AKAP1: variants seen among roughly 807,000 people sequenced by gnomAD.
AKAP1 encodes A-kinase anchoring protein 1, also known as A-kinase anchor protein 1, mitochondrial.
Under a neutral mutation model 79.8 loss-of-function variants are expected in AKAP1, and 32 were observed. The ratio of observed to expected loss-of-function variants is 0.40; its 90% CI spans 0.30 to 0.54. The LOEUF (loss-of-function observed/expected upper bound fraction) is 0.54. Among genes scored for constraint, AKAP1 ranks in the 20% least tolerant of loss-of-function variants. AKAP1 has a pLI of 0.47. For synonymous variants in AKAP1, 416 were observed against 466.7 expected (o/e 0.89, Z 1.40); for missense variants, 961 against 1,138.9 (o/e 0.84, Z 2.25).
intron 3 of AKAP1, among the ~76,000 whole-genome samples, chr17:57,111,110 G>T (rs1174473767): frequency 1.3e-5 from 2 of 152,202 alleles, no homozygotes; most frequent in Non-Finnish European, 2.9e-5. Flanking sequence ...TGAAGAGAAA[G>T]GCTGTGCCTG....
intron 8 of AKAP1, 71 bp from the exon 9 acceptor site, chr17:57,118,310 A>G (rs1278870146): frequency 1.4e-6 from 2 of 1,431,098 alleles, no homozygotes; most frequent in Admixed American, 3.4e-5. Context: ...TGCACCTGAA[A>G]CTTGTGTACA....
intron 9 of AKAP1, 113 bp from the exon 10 acceptor site, chr17:57,118,869 C>T (rs1915747108): frequency 5.9e-6 from 7 of 1,179,334 alleles, no homozygotes; most frequent in Non-Finnish European, 8.8e-6. Flanking sequence ...CCAATCACCT[C>T]CCACCAGGTC....
At chr17:57,102,033 T>A (rs1914548876) in intron 1 of AKAP1, among the ~76,000 whole-genome samples, 1 of 152,222 alleles carries the variant, frequency 6.6e-6, no homozygotes, top group Non-Finnish European at 1.5e-5. Flanking sequence ...TCCCCTGAAA[T>A]GTTTGTTAAT....
intron 10 of AKAP1, among the ~76,000 whole-genome samples, chr17:57,119,491 A>C (rs1307793215): frequency 1.3e-5 from 2 of 152,118 alleles, no homozygotes; most frequent in African/African-American, 2.4e-5. Flanking sequence ...AGACGGGCAG[A>C]TCACTTGAGG....
At chr17:57,112,359 T>C in intron 4 of AKAP1, 132 bp from the exon 5 acceptor site, 1 of 1,083,828 alleles carries the variant, frequency 9.2e-7, no homozygotes, top group Non-Finnish European at 1.3e-6. Flanking sequence ...CTTAAGTGTT[T>C]TGTTACCTCA....
chr17:57,116,062 G>GC, intron 6 of AKAP1, 49 bp from the exon 7 acceptor site: 2 of 1,590,996 alleles, frequency 1.3e-6, no homozygotes, highest in African/African-American at 2.7e-5. Flanking sequence ...GGCCCTTGGT[G>GC]CCCTGCCCTG....
In AKAP1 at chr17:57,105,447, T is replaced by C. The variant is rs1027450338; in HGVS notation, c.-18T>C. 1 of 1,586,790 alleles carries C rather than the reference T, an allele frequency of 6.3e-7. No individual in the cohort carries two copies. Among genetic ancestry groups the C allele is most frequent in the Non-Finnish European group, 8.6e-7 (1 of 1,167,468 alleles). On this transcript the variant is annotated 5_prime_UTR_variant, in exon 2 of 11. Transcript: ENST00000337714. ...GCTCTCCTGCTCTCCCCAGGTGTAA[T>C]TACTTCAAGCCTCCAGGATGGCAAT...
intron 7 of AKAP1, 80 bp downstream of exon 7, chr17:57,116,341 C>T: frequency 1.9e-6 from 3 of 1,569,016 alleles, no homozygotes; most frequent in Non-Finnish European, 2.6e-6. Context: ...CTCAGTTGTG[C>T]CAGGGCTTGG....
chr17:57,103,229 C>T (rs939273481), intron 1 of AKAP1, among the ~76,000 whole-genome samples: 1 of 152,252 alleles, frequency 6.6e-6, no homozygotes, highest in Admixed American at 6.5e-5. Flanking sequence ...CAAATATCAG[C>T]AAGAAAGTTT....
Position 57,121,210 on chromosome 17 carries a change from A to C in AKAP1, c.*886A>C, listed in dbSNP as rs1049159859. 1.3e-5 allele frequency: 2 copies of C among 151,746 alleles called. No individual in the cohort carries two copies. Among genetic ancestry groups the C allele is most frequent in the Middle Eastern group, 3.2e-3 (1 of 316 alleles). 9.4% of individuals were successfully genotyped at this position (151,746 alleles called of 1,614,324 possible). ...GATCTGGGAACTTTTTGCTGTACAA[A>C]TCTGTTTAAAAAAAAAAAAAAGTAA... On this transcript the variant is annotated 3_prime_UTR_variant, in exon 11 of 11. Transcript: ENST00000337714.
At chr17:57,100,046 T>G (rs559082907) in intron 1 of AKAP1, among the ~76,000 whole-genome samples, 4 of 152,182 alleles carry the variant, frequency 2.6e-5, no homozygotes, top group Non-Finnish European at 5.9e-5. Context: ...GGGGTGGGGC[T>G]TCTCCCAGCC....
Position 57,120,315 on chromosome 17 carries a change from A to C in AKAP1, c.2703A>C (p.Thr901=). The C allele has an allele frequency of 6.2e-7, 1 of 1,613,704 alleles. No homozygotes were observed. Among genetic ancestry groups the C allele is most frequent in the East Asian group, 2.2e-5 (1 of 44,862 alleles). Reference sequence around the variant, plus strand: ...CCCAGTGGGTAGACAGCTACTACACAAGCCTTTGACCCCCATGCTGCTTCC... The same window carrying C: ...CCCAGTGGGTAGACAGCTACTACACCAGCCTTTGACCCCCATGCTGCTTCC... The part of the protein sequence containing the change: ...GLAQWVDSYY[T]SL Residue 901 remains threonine, a synonymous_variant, in exon 11 of 11, where the codon ACA becomes ACC. Transcript: ENST00000337714.
chr17:57,105,329 C>T (rs1022644528), intron 1 of AKAP1, 112 bp from the exon 2 acceptor site: 35 of 1,021,660 alleles, frequency 3.4e-5, no homozygotes, highest in Admixed American at 3.1e-4. Flanking sequence ...GCAGGGAAGG[C>T]GGAGGAGATG....
chr17:57,097,197 C>T (rs3785483), intron 1 of AKAP1, among the ~76,000 whole-genome samples: 31,393 of 152,132 alleles, frequency 0.21, 3,607 homozygotes, highest in East Asian at 0.41. Flanking sequence ...TCCTGTCCCC[C>T]TCCCTACCCA....
intron 1 of AKAP1, among the ~76,000 whole-genome samples, chr17:57,100,439 A>ACACACACACACACACG (rs1914426152): frequency 6.7e-6 from 1 of 148,314 alleles, no homozygotes; most frequent in African/African-American, 2.4e-5. Context: ...ACACACACAC[A>ACACACACACACACACG]CACACACGCA....
intron 1 of AKAP1, among the ~76,000 whole-genome samples, chr17:57,090,761 C>CCAGAATTATT (rs1228691186): frequency 1.3e-5 from 2 of 152,180 alleles, no homozygotes; most frequent in Non-Finnish European, 2.9e-5. Context: ...AATTATGCAA[C>CCAGAATTATT]CATCGGGTGC....
intron 1 of AKAP1, among the ~76,000 whole-genome samples, chr17:57,087,382 C>G (rs1913526167): frequency 6.6e-6 from 1 of 152,174 alleles, no homozygotes. Context: ...TTGTAAGTGG[C>G]CTGCTCAGGT....
intron 6 of AKAP1, 124 bp downstream of exon 6, chr17:57,114,760 A>G (rs896795823): frequency 1.8e-6 from 2 of 1,126,232 alleles, no homozygotes; most frequent in African/African-American, 1.6e-5. Flanking sequence ...AATTCTTGCC[A>G]TTGTTATGGA....
Position 57,114,585 on chromosome 17 carries a change from T to A in AKAP1, c.2230T>A (p.Tyr744Asn), listed in dbSNP as rs747056610. ...GCTGCGCAGCCTCGACCAGCAGATG[T>A]ACCTCTGTTACTCTCAGCCTGGAAT... ...HALRSLDQQM[Y>N]LCYSQPGIPT... The change falls in exon 6 of 11, where the codon TAC (tyrosine) becomes AAC (asparagine). Residue 744 changes from tyrosine (Y) to asparagine (N), a missense_variant. Physicochemically the swap from Tyr to Asn is moderately radical, Grantham distance 143. Transcript: ENST00000337714. 1 of 1,614,062 alleles carries A rather than the reference T, an allele frequency of 6.2e-7. No individual in the cohort carries two copies. Among genetic ancestry groups the A allele is most frequent in the East Asian group, 2.2e-5 (1 of 44,876 alleles).
Sources: allele counts gnomAD v4.1 joint callset (sites outside exome capture counted in the v4.1 genomes callset), GRCh38; gene constraint gnomAD v4.1.1; transcripts MANE v1.5; gene names NCBI Gene and HGNC (gene_info 2026-07-23, HGNC 2026-07-21).